Variants in PARVB observed in about 807,000 individuals in gnomAD.
PARVB encodes beta-parvin.
In PARVB, 46 loss-of-function variants were observed where a neutral mutation model predicts 47.0. The observed-to-expected ratio is 0.98, with a 90% CI of 0.77 to 1.25. The LOEUF is 1.25. PARVB is among the 50% of genes most tolerant of loss of function. The pLI is 0.00. For synonymous variants in PARVB, 196 were observed against 196.3 expected, an observed-to-expected ratio of 1.00 and a Z score of 0.01; for missense variants, 473 against 471.6, an observed-to-expected ratio of 1.00 and a Z score of -0.03.
chr22:44,009,877 A>C (rs1348871892), intron 2 of PARVB, among the ~76,000 whole-genome samples: 1 of 145,372 alleles, frequency 6.9e-6, no homozygotes, highest in Non-Finnish European at 1.5e-5. Flanking sequence ...GCGTGATCTC[A>C]GCTCACTGCA....
chr22:44,061,032 A>G (rs1168772120), intron 1 of PARVB, among the ~76,000 whole-genome samples: 1 of 152,240 alleles, frequency 6.6e-6, no homozygotes, highest in Non-Finnish European at 1.5e-5. Flanking sequence ...TGCTGCCTGA[A>G]TGAAGCTTCT....
intron 1 of PARVB, among the ~76,000 whole-genome samples, chr22:44,037,511 T>C (rs959892584): frequency 2.6e-5 from 4 of 152,242 alleles, no homozygotes; most frequent in African/African-American, 7.2e-5. Flanking sequence ...TCCCAGGTGC[T>C]GTGCTAGATG....
At chr22:44,081,415 A>G (rs2051896914) in intron 1 of PARVB, among the ~76,000 whole-genome samples, 1 of 152,192 alleles carries the variant, frequency 6.6e-6, no homozygotes, top group Non-Finnish European at 1.5e-5. Flanking sequence ...CCCCGTTTCC[A>G]TGGCAGGTGC....
At chr22:44,136,433 T>C (rs769902408) in intron 6 of PARVB, 27 bp from the exon 7 acceptor site, 31 of 1,610,080 alleles carry the variant, frequency 1.9e-5, no homozygotes, top group Non-Finnish European at 2.4e-5. Flanking sequence ...ACTGCCTGAT[T>C]TTGTATGTTT....
intron 1 of PARVB, among the ~76,000 whole-genome samples, chr22:44,061,742 G>A (rs543072321): frequency 2.0e-5 from 3 of 147,754 alleles, no homozygotes; most frequent in East Asian, 2.0e-4. Context: ...TCAGCCTCCC[G>A]AGTAGCTGAG....
intron 3 of PARVB, among the ~76,000 whole-genome samples, chr22:44,100,658 G>A (rs2052421376): frequency 6.6e-6 from 1 of 152,206 alleles, no homozygotes; most frequent in Non-Finnish European, 1.5e-5. Context: ...GGAACAGTGA[G>A]GGAAGGGGCC....
At chr22:44,027,115 G>A (rs971824133) in intron 1 of PARVB, among the ~76,000 whole-genome samples, 2 of 152,096 alleles carry the variant, frequency 1.3e-5, no homozygotes, top group African/African-American at 4.8e-5. Flanking sequence ...CGAACTGTGG[G>A]CATTCAGAAA....
At chr22:44,007,212 A>G (rs1345245444) in intron 2 of PARVB, among the ~76,000 whole-genome samples, 1 of 148,346 alleles carries the variant, frequency 6.7e-6, no homozygotes, top group Non-Finnish European at 1.5e-5. Flanking sequence ...GGGGAAGAAC[A>G]GGTCAGCAGG....
intron 11 of PARVB, among the ~76,000 whole-genome samples, chr22:44,159,892 C>T (rs1166195240): frequency 6.6e-6 from 1 of 152,190 alleles, no homozygotes; most frequent in African/African-American, 2.4e-5. Context: ...TGCTCTGGCC[C>T]TGGGAATCCT....
chr22:44,012,295 C>T (rs2050531321), intron 2 of PARVB, among the ~76,000 whole-genome samples: 1 of 152,206 alleles, frequency 6.6e-6, no homozygotes, highest in Non-Finnish European at 1.5e-5. Flanking sequence ...AATCCAACTT[C>T]CCTTGTCTCA....
At chr22:44,028,079 T>TTAGG (rs1158820527) in intron 1 of PARVB, among the ~76,000 whole-genome samples, 2 of 152,012 alleles carry the variant, frequency 1.3e-5, no homozygotes, top group East Asian at 3.9e-4. Context: ...CCCCCGGCTG[T>TTAGG]GTGGTAGAGT....
Position 44,132,887 on chromosome 22 carries a change from CCTG to C in PARVB, c.518-5_518-3del. 1 of 1,604,636 alleles carries C rather than the reference CCTG, an allele frequency of 6.2e-7. No homozygotes were observed. The highest frequency in any genetic ancestry group is 2.2e-5 in the East Asian group (1 of 44,832). On this transcript the variant is annotated splice_region_variant and splice_polypyrimidine_tract_variant and intron_variant, in intron 5 of 12. Transcript: ENST00000338758. ...TAAAGCGTCTCCCTTCCTCCTTCCTCCTGCAGCAATTCACGGGAAGAACCTGGT... is the reference window on the plus strand; with the variant it reads ...TAAAGCGTCTCCCTTCCTCCTTCCTCCAGCAATTCACGGGAAGAACCTGGT...
intron 3 of PARVB, chr22:44,114,637 A>T (rs1461509958): frequency 1.2e-5 from 1 of 85,816 alleles, no homozygotes; most frequent in Non-Finnish European, 2.4e-5. Flanking sequence ...ACACAGATAC[A>T]TTGTTACTAA....
chr22:44,150,691 T>G (rs2053785084), intron 9 of PARVB: 1 of 150,942 alleles, frequency 6.6e-6, no homozygotes, highest in Non-Finnish European at 1.5e-5. Flanking sequence ...GGGTGCAGGC[T>G]TCAAACCTGT....
At chr22:44,054,839 A>G (rs977639730) in intron 1 of PARVB, among the ~76,000 whole-genome samples, 2 of 151,658 alleles carry the variant, frequency 1.3e-5, no homozygotes, top group Non-Finnish European at 2.9e-5. Flanking sequence ...AAACTACAAA[A>G]ATTAGCCGGG....
At chr22:44,122,562 CAGAG>C (rs55865160) in intron 4 of PARVB, among the ~76,000 whole-genome samples, 2,870 of 78,646 alleles carry the variant, frequency 0.036, 120 homozygotes, top group East Asian at 0.17. Context: ...GACACAGAGA[CAGAG>C]AGAGAGAGAG....
intron 3 of PARVB, among the ~76,000 whole-genome samples, chr22:44,101,270 G>T (rs529846800): frequency 6.6e-6 from 1 of 151,918 alleles, no homozygotes; most frequent in South Asian, 2.1e-4. Flanking sequence ...TTAGCCGGGC[G>T]AGGTGGCGGG....
chr22:44,129,414 C>G (rs535127945), intron 4 of PARVB, among the ~76,000 whole-genome samples: 1 of 152,140 alleles, frequency 6.6e-6, no homozygotes, highest in African/African-American at 2.4e-5. Flanking sequence ...GCTCCTCTGC[C>G]GACTCCTCTT....
chr22:44,000,938 TTCA>T (rs1389745877), intron 2 of PARVB, among the ~76,000 whole-genome samples: 5 of 152,232 alleles, frequency 3.3e-5, no homozygotes, highest in African/African-American at 1.2e-4. Flanking sequence ...TCAACATGTC[TTCA>T]TTATGCAAAA....
Sources: gnomAD v4.1 joint callset for allele counts (sites outside exome capture counted in the v4.1 genomes callset) on GRCh38, gnomAD v4.1.1 for gene constraint, MANE v1.5 for transcripts, NCBI Gene and HGNC (gene_info 2026-07-23, HGNC 2026-07-21) for gene names.